Variants in EPHA3 observed in about 807,000 individuals in gnomAD.
EPHA3 encodes the protein ephrin type-A receptor 3.
A neutral mutation model predicts 107.1 loss-of-function variants in EPHA3; 42 were observed. That is an observed-to-expected ratio of 0.39 (90% CI 0.31 to 0.51). The LOEUF (loss-of-function observed/expected upper bound fraction) is 0.51. EPHA3 is among the 20% of genes least tolerant of loss of function. The pLI is 0.78. For synonymous variants in EPHA3, 461 were observed against 424.8 expected (o/e 1.09, Z -1.05); for missense variants, 1,183 against 1,211.2 (o/e 0.98, Z 0.35).
intron 3 of EPHA3, among the ~76,000 whole-genome samples, chr3:89,329,451 T>C (rs1707242801): frequency 6.6e-6 from 1 of 152,110 alleles, no homozygotes. Flanking sequence ...ACTATGAGTG[T>C]TTTATATTTG....
At chr3:89,300,962 A>G (rs1251847083) in intron 3 of EPHA3, among the ~76,000 whole-genome samples, 1 of 152,136 alleles carries the variant, frequency 6.6e-6, no homozygotes, top group Non-Finnish European at 1.5e-5. Flanking sequence ...TTTCCATGAA[A>G]GTACCACAGA....
rs1201375497 is a variant in EPHA3 at position 89,380,816 on chromosome 3, T to C, written c.1307-15021T>C. Among the ~76,000 whole-genome samples the C allele has an allele frequency of 7.9e-5, 12 of 151,106 alleles. 1 individual carries two copies. In the East Asian group the frequency reaches 2.2e-3, roughly 27 times the overall value. On this transcript the variant is annotated intron_variant, in intron 5 of 16. Transcript: ENST00000336596. ...TGAAGTTTTGCTCTGTTGCCCAAGC[T>C]GGGGGGCAGTGGCGCAATCTTGGCT...
chr3:89,281,017 T>TTATTTATC (rs1705935202), intron 3 of EPHA3, among the ~76,000 whole-genome samples: 1 of 150,518 alleles, frequency 6.6e-6, no homozygotes, highest in African/African-American at 2.4e-5. Flanking sequence ...ATTTATTTAT[T>TTATTTATC]TATTTATTTA....
intron 3 of EPHA3, among the ~76,000 whole-genome samples, chr3:89,233,789 T>C (rs1704690784): frequency 6.6e-6 from 1 of 152,186 alleles, no homozygotes. Flanking sequence ...CATATATTCT[T>C]ATGGAAAAGC....
intron 13 of EPHA3, among the ~76,000 whole-genome samples, chr3:89,432,922 T>G (rs1407914809): frequency 6.6e-6 from 1 of 152,118 alleles, no homozygotes; most frequent in Non-Finnish European, 1.5e-5. Context: ...TGATTAAATA[T>G]TTTTACAATA....
chr3:89,237,279 T>C (rs963043322), intron 3 of EPHA3, among the ~76,000 whole-genome samples: 1 of 152,118 alleles, frequency 6.6e-6, no homozygotes, highest in Non-Finnish European at 1.5e-5. Flanking sequence ...GGCTGAGGCA[T>C]GAGAATCGCT....
intron 2 of EPHA3, among the ~76,000 whole-genome samples, chr3:89,185,889 T>C (rs957294342): frequency 2.0e-5 from 3 of 152,146 alleles, no homozygotes; most frequent in African/African-American, 7.2e-5. Flanking sequence ...AAAAGTGATA[T>C]TTTGAGAGGA....
At chr3:89,122,248 A>G (rs1707407954) in intron 1 of EPHA3, among the ~76,000 whole-genome samples, 1 of 152,164 alleles carries the variant, frequency 6.6e-6, no homozygotes, top group Non-Finnish European at 1.5e-5. Context: ...ATAGAAAGAA[A>G]CTGTCATTAC....
At chr3:89,143,528 T>A (rs923213906) in intron 2 of EPHA3, among the ~76,000 whole-genome samples, 1 of 151,564 alleles carries the variant, frequency 6.6e-6, no homozygotes, top group African/African-American at 2.4e-5. Flanking sequence ...TGGTCTATAG[T>A]GGTTGGAAAT....
chr3:89,395,747 T>C, intron 5 of EPHA3, 90 bp from the exon 6 acceptor site: 1 of 1,465,376 alleles, frequency 6.8e-7, no homozygotes, highest in South Asian at 1.3e-5. Flanking sequence ...TCCATTTGCA[T>C]GTTCCCTTCT....
chr3:89,428,103 T>C (rs1267301574), intron 11 of EPHA3, among the ~76,000 whole-genome samples: 1 of 152,006 alleles, frequency 6.6e-6, no homozygotes, highest in Non-Finnish European at 1.5e-5. Context: ...TTATCTGTAG[T>C]GGAACATTTG....
intron 10 of EPHA3, among the ~76,000 whole-genome samples, chr3:89,414,244 G>A (rs946177982): frequency 6.6e-5 from 10 of 151,566 alleles, no homozygotes; most frequent in African/African-American, 2.2e-4. Flanking sequence ...GTTAGTATGC[G>A]AACAGGACAA....
At chr3:89,390,347 C>T (rs1265971943) in intron 5 of EPHA3, among the ~76,000 whole-genome samples, 1 of 152,056 alleles carries the variant, frequency 6.6e-6, no homozygotes, top group Non-Finnish European at 1.5e-5. Flanking sequence ...GCCTGTAATG[C>T]TAGCACTTTG....
chr3:89,271,457 C>G (rs7640128), intron 3 of EPHA3, among the ~76,000 whole-genome samples: 7 of 151,874 alleles, frequency 4.6e-5, no homozygotes, highest in Non-Finnish European at 7.4e-5. Flanking sequence ...GACATGGAGG[C>G]GTCAAGAAAC....
chr3:89,254,663 C>G (rs565276164), intron 3 of EPHA3, among the ~76,000 whole-genome samples: 11 of 152,182 alleles, frequency 7.2e-5, no homozygotes, highest in African/African-American at 2.7e-4. Flanking sequence ...ATCCTTATAA[C>G]GGTTTAACAT....
intron 3 of EPHA3, among the ~76,000 whole-genome samples, chr3:89,220,699 A>G (rs964175456): frequency 1.3e-5 from 2 of 152,160 alleles, no homozygotes; most frequent in African/African-American, 4.8e-5. Flanking sequence ...CAAATCTAAC[A>G]TTTGACTCCC....
intron 3 of EPHA3, among the ~76,000 whole-genome samples, chr3:89,289,735 T>C (rs1165180500): frequency 1.3e-5 from 2 of 151,812 alleles, no homozygotes; most frequent in Non-Finnish European, 2.9e-5. Flanking sequence ...ACAGAGAGAG[T>C]TGAGACTCAC....
At chr3:89,318,897 A>C (rs1335119388) in intron 3 of EPHA3, among the ~76,000 whole-genome samples, 1 of 151,920 alleles carries the variant, frequency 6.6e-6, no homozygotes, top group African/African-American at 2.4e-5. Flanking sequence ...ACACACACAC[A>C]TCCTTCCCCA....
At chr3:89,400,764 C>A (rs1457349519) in intron 7 of EPHA3, among the ~76,000 whole-genome samples, 6 of 152,032 alleles carry the variant, frequency 3.9e-5, no homozygotes, top group Non-Finnish European at 7.4e-5. Context: ...TCTTACAGGG[C>A]ACAAACCAGT....
Sources: gnomAD v4.1 joint callset for allele counts (sites outside exome capture counted in the v4.1 genomes callset) on GRCh38, gnomAD v4.1.1 for gene constraint, MANE v1.5 for transcripts, NCBI Gene and HGNC (gene_info 2026-07-23, HGNC 2026-07-21) for gene names.